The following HERC2 variants were observed in gnomAD, a reference collection of about 807,000 sequenced individuals.
HERC2 encodes E3 ubiquitin-protein ligase HERC2.
In HERC2, 102 loss-of-function variants were observed where a neutral mutation model predicts 537.7. The ratio of observed to expected loss-of-function variants is 0.19; its 90% CI spans 0.16 to 0.22. The LOEUF (loss-of-function observed/expected upper bound fraction) is 0.22. HERC2 is among the 10% of genes least tolerant of loss of function. The pLI is 1.00. For missense variants in HERC2, 4,236 were observed against 6,198.2 expected, an observed-to-expected ratio of 0.68 and a Z score of 10.63; for synonymous variants, 2,224 against 2,466.2, an observed-to-expected ratio of 0.90 and a Z score of 2.91.
intron 2 of HERC2, among the ~76,000 whole-genome samples, chr15:28,319,407 C>T (rs2077174347): frequency 6.6e-6 from 1 of 151,428 alleles, no homozygotes; most frequent in Admixed American, 6.6e-5. Context: ...ACAGTGAAAC[C>T]CCATCTCTAC....
intron 4 of HERC2, among the ~76,000 whole-genome samples, chr15:28,282,453 T>C (rs543519363): frequency 9.3e-5 from 14 of 151,350 alleles, no homozygotes; most frequent in South Asian, 6.3e-4. Flanking sequence ...AATGAAAAAA[T>C]AGAAAGCCTA....
At chr15:28,126,383 T>C (rs747277264) in intron 83 of HERC2, among the ~76,000 whole-genome samples, 4 of 152,154 alleles carry the variant, frequency 2.6e-5, no homozygotes, top group Non-Finnish European at 5.9e-5. Flanking sequence ...CACCACTAGG[T>C]ACCTACCCAG....
At position 28,176,518 on chromosome 15, in the gene HERC2, A is replaced by G; in HGVS notation, c.9596T>C (p.Ile3199Thr). Residue 3199 changes from isoleucine to threonine, a missense_variant, in exon 63 of 93, where the codon ATT becomes ACT. Coordinates refer to ENST00000261609, the MANE Select transcript of HERC2 (RefSeq NM_004667.6). The surrounding 1 kb of genome is among the most constrained non-coding windows in gnomAD (Gnocchi z 5.0). Reference protein sequence around the residue: ...GSEGCNIPQNIERLNGQGVCQ... With the variant: ...GSEGCNIPQNTERLNGQGVCQ... ...CACCCCCTGTCCATTTAGTCTCTCA[A>G]TGTTCTGGGGAATGTTACAGCCTTC... 6.2e-7 allele frequency: 1 copy of G among 1,614,152 alleles called. No individual in the cohort carries two copies. Among genetic ancestry groups the G allele is most frequent in the Non-Finnish European group, 8.5e-7 (1 of 1,180,024 alleles).
intron 84 of HERC2, among the ~76,000 whole-genome samples, chr15:28,124,768 C>T (rs962338546): frequency 1.3e-5 from 2 of 152,198 alleles, no homozygotes; most frequent in African/African-American, 4.8e-5. Context: ...CAGGCTGGTC[C>T]TGAACTCCTG....
Position 28,176,328 on chromosome 15 carries a change from A to G in HERC2, c.9686+100T>C, listed in dbSNP as rs1895286324. On this transcript the variant is annotated intron_variant, in intron 63 of 92. Coordinates refer to ENST00000261609, the MANE Select transcript of HERC2 (RefSeq NM_004667.6). The surrounding 1 kb of genome is among the most constrained non-coding windows in gnomAD (Gnocchi z 5.0). ...AGATGCATGCATAAGTAAAAAGAGG[A>G]CACGTCACAATCACGCCGGGTGAGC... is the stretch of plus-strand genomic sequence containing the variant. The G allele has an allele frequency of 5.9e-6, 6 of 1,019,024 alleles. No individual in the cohort carries two copies. Among genetic ancestry groups the G allele is most frequent in the Non-Finnish European group, 7.4e-6 (5 of 675,296 alleles). The allele number at this position is 1,019,024 out of a possible 1,614,324, so 63.1% of individuals were successfully genotyped here.
At position 28,256,143 on chromosome 15, in the gene HERC2, G is replaced by T; in HGVS notation, c.2692C>A (p.Leu898Met). 1 of 1,601,496 alleles carries T rather than the reference G, an allele frequency of 6.2e-7. No homozygotes were observed. Among genetic ancestry groups the T allele is most frequent in the Non-Finnish European group, 8.5e-7 (1 of 1,179,600 alleles). Residue 898 changes from leucine to methionine, a missense_variant, in exon 18 of 93, where the codon CTG becomes ATG. Coordinates refer to ENST00000261609, the MANE Select transcript of HERC2 (RefSeq NM_004667.6). ...AVLQSGWSVLLPTAEERARAL... is the reference protein window; with the variant it reads ...AVLQSGWSVLMPTAEERARAL... ...CGGGCCCGCTCCTCCGCGGTGGGCA[G>T]CAGCACGGACCAGCCACTCTGCAGC...
intron 25 of HERC2, among the ~76,000 whole-genome samples, chr15:28,237,670 C>T (rs1011205914): frequency 2.6e-5 from 4 of 152,212 alleles, no homozygotes; most frequent in African/African-American, 9.6e-5. Flanking sequence ...GCATTTAATA[C>T]ATCTTATTAC....
chr15:28,302,020 G>C (rs1421902827), intron 2 of HERC2, among the ~76,000 whole-genome samples: 3 of 148,430 alleles, frequency 2.0e-5, no homozygotes, highest in African/African-American at 5.0e-5. Flanking sequence ...GGATGGTCTG[G>C]GTCTCTTGAC....
At chr15:28,149,390 C>T (rs1371474662) in intron 70 of HERC2, among the ~76,000 whole-genome samples, 3 of 151,538 alleles carry the variant, frequency 2.0e-5, no homozygotes, top group Non-Finnish European at 2.9e-5. Flanking sequence ...AGAACGTCAC[C>T]GAGAACGGCC....
Position 28,135,758 on chromosome 15 carries a change from C to T in HERC2, c.12016-66G>A, listed in dbSNP as rs901248183. ...TCAATATCCCCTAAATTTACTAATTCATAAACCTAATCCATGCTTTAGACA... is the reference window on the plus strand; with the variant it reads ...TCAATATCCCCTAAATTTACTAATTTATAAACCTAATCCATGCTTTAGACA... On this transcript the variant is annotated intron_variant, in intron 78 of 92. Transcript: ENST00000261609. 4 of 1,165,310 alleles carry T rather than the reference C, an allele frequency of 3.4e-6. No individual in the cohort carries two copies. In the Admixed American group the frequency reaches 5.9e-5, roughly 17 times the overall value. 72.2% of individuals were successfully genotyped at this position (1,165,310 alleles called of 1,614,324 possible). A position where few individuals can be genotyped will look rare whatever the true frequency, so the allele number is the denominator to read the frequency against.
At chr15:28,174,998 CTTATAGAA>C (rs1895119835) in intron 64 of HERC2, among the ~76,000 whole-genome samples, 1 of 151,930 alleles carries the variant, frequency 6.6e-6, no homozygotes, top group Non-Finnish European at 1.5e-5. Flanking sequence ...GCTTCTTGGC[CTTATAGAA>C]TTATAAAGTA....
rs61756157 is a variant in HERC2, at chr15:28,198,487, A to T, written c.7902T>A (p.Ser2634Arg). ...HVELIGYPPP[S>R]SSSHIKIGDK... Reference sequence around the variant, plus strand: ...CACCAATCTTGATGTGAGAAGAAGAACTTGGTGGAGGATAGCCTACAGATG... The same window carrying T: ...CACCAATCTTGATGTGAGAAGAAGATCTTGGTGGAGGATAGCCTACAGATG... Residue 2634 changes from serine to arginine, a missense_variant, in exon 50 of 93, where the codon AGT becomes AGA. Coordinates refer to ENST00000261609, the MANE Select transcript of HERC2 (RefSeq NM_004667.6). 6.2e-6 allele frequency: 10 copies of T among 1,614,016 alleles called. No individual in the cohort carries two copies. Among genetic ancestry groups the T allele is most frequent in the African/African-American group, 4.0e-5 (3 of 74,940 alleles).
intron 20 of HERC2, among the ~76,000 whole-genome samples, chr15:28,249,815 CT>C (rs11340454): frequency 0.1 from 13,982 of 134,248 alleles, 2,199 homozygotes; most frequent in African/African-American, 0.34. Flanking sequence ...GCCAAGCTAA[CT>C]TTTTTTTTTT....
In HERC2 at chr15:28,135,647, C is replaced by T; in HGVS notation, c.12061G>A (p.Gly4021Arg). ...GTTGGGGTGGACACCGACTCTGTCC[C>T]TCCAATGCCTAGTCTGCCACCTGCA... ...YGAGGRLGIG[G>R]TESVSTPTLL... Residue 4021 changes from glycine to arginine, a missense_variant, in exon 79 of 93, where the codon GGG (glycine) becomes AGG (arginine). Physicochemically the swap from Gly to Arg is moderately radical, Grantham distance 125. Coordinates refer to ENST00000261609, the MANE Select transcript of HERC2 (RefSeq NM_004667.6). The T allele has an allele frequency of 6.2e-7, 1 of 1,614,118 alleles. No homozygotes were observed. The highest frequency in any genetic ancestry group is 8.5e-7 in the Non-Finnish European group (1 of 1,180,014).
chr15:28,167,200 T>C (rs918146355), intron 68 of HERC2, among the ~76,000 whole-genome samples: 7 of 152,178 alleles, frequency 4.6e-5, no homozygotes, highest in East Asian at 1.9e-4. Context: ...GTGGAGAAAC[T>C]TGGCAGAGAC....
At chr15:28,170,055 C>T (rs964709375) in intron 65 of HERC2, among the ~76,000 whole-genome samples, 3 of 152,218 alleles carry the variant, frequency 2.0e-5, no homozygotes, top group African/African-American at 7.2e-5. Context: ...AGGCTCACTT[C>T]GTTGTGAACT....
intron 4 of HERC2, among the ~76,000 whole-genome samples, chr15:28,283,003 G>A (rs1464058212): frequency 7.2e-6 from 1 of 139,256 alleles, no homozygotes; most frequent in Non-Finnish European, 1.5e-5. Context: ...GGACGGGATG[G>A]GAAGGGAAGA....
chr15:28,214,978 A>G (rs1899729564), intron 39 of HERC2, among the ~76,000 whole-genome samples, 176 bp from the exon 40 acceptor site: 1 of 152,072 alleles, frequency 6.6e-6, no homozygotes, highest in Non-Finnish European at 1.5e-5. Flanking sequence ...GGTTCAAACG[A>G]TTCTCCTTGC....
Position 28,215,036 on chromosome 15 carries a change from G to A in HERC2, c.6211-234C>T, listed in dbSNP as rs576039891. On this transcript the variant is annotated intron_variant, in intron 39 of 92. Transcript: ENST00000261609. ...ATTACAGGCACCCACCACCAAGCCC[G>A]GCTCATTTTTTTTTGGATTTTTGGT... Among the ~76,000 whole-genome samples the A allele has an allele frequency of 8.6e-5, 13 of 152,044 alleles. No individual in the cohort carries two copies. In the South Asian group the frequency reaches 1.7e-3, roughly 19 times the overall value.
Sources: allele counts gnomAD v4.1 joint callset (sites outside exome capture counted in the v4.1 genomes callset), GRCh38; gene constraint gnomAD v4.1.1; non-coding constraint Gnocchi (gnomAD v3.1); transcripts MANE v1.5; gene names NCBI Gene and HGNC (gene_info 2026-07-23, HGNC 2026-07-21).